The following ZNF451 variants were observed in gnomAD, a reference collection of about 807,000 sequenced individuals.
The protein encoded by ZNF451 is E3 SUMO-protein ligase ZNF451.
In ZNF451, 80 loss-of-function variants were observed where a neutral mutation model predicts 107.1. The observed-to-expected ratio is 0.75, with a 90% CI of 0.62 to 0.90. ZNF451 has a LOEUF of 0.90. ZNF451 is among the 40% of genes least tolerant of loss of function. The probability of loss-of-function intolerance (pLI) is 0.00; values close to 1 mark genes in which losing one functional copy is unlikely to be tolerated. For missense variants in ZNF451, 1,107 were observed against 1,236.2 expected, an observed-to-expected ratio of 0.90 and a Z score of 1.57; for synonymous variants, 362 against 406.5, an observed-to-expected ratio of 0.89 and a Z score of 1.32.
At position 57,103,223 on chromosome 6, in the gene ZNF451, T is replaced by C. The variant is rs1418271367; in HGVS notation, c.186+4082T>C. The C allele has an allele frequency of 5.1e-6, 5 of 985,320 alleles. No homozygotes were observed. In the East Asian group the frequency reaches 3.4e-4, roughly 67 times the overall value. 61.0% of individuals were successfully genotyped at this position (985,320 alleles called of 1,614,324 possible). On this transcript the variant is annotated intron_variant, in intron 3 of 14. Transcript: ENST00000370706. Reference sequence around the variant, plus strand: ...AGGGATACCATCAGTCTAGATTTTATTGAGAATCCTTAAGATTTAAAGCAT... The same window carrying C: ...AGGGATACCATCAGTCTAGATTTTACTGAGAATCCTTAAGATTTAAAGCAT...
intron 10 of ZNF451, among the ~76,000 whole-genome samples, 187 bp downstream of exon 10, chr6:57,148,880 A>G (rs2127980087): frequency 6.6e-6 from 1 of 152,290 alleles, no homozygotes; most frequent in Admixed American, 6.5e-5. Flanking sequence ...ACTTACGAGG[A>G]CAGAGTATAT....
chr6:57,097,489 C>A (rs1829384127), intron 2 of ZNF451, among the ~76,000 whole-genome samples: 1 of 152,196 alleles, frequency 6.6e-6, no homozygotes, highest in Non-Finnish European at 1.5e-5. Context: ...AAGAATATGG[C>A]CTTTTCTACT....
chr6:57,153,899 T>C lies in ZNF451; in HGVS notation c.2922T>C (p.Pro974=). The change falls in exon 13 of 15, where the codon CCT becomes CCC. Residue 974 remains proline, a synonymous_variant. Transcript: ENST00000370706. ...ATGAACAACTACCCAAGCAAATTCC[T>C]TTCACCATCCTCTCAGGAGATCAAG... The part of the protein sequence containing the change: ...RLDEQLPKQI[P]FTILSGDQGF... The C allele has an allele frequency of 6.2e-7, 1 of 1,614,180 alleles. No homozygotes were observed. Among genetic ancestry groups the C allele is most frequent in the East Asian group, 2.2e-5 (1 of 44,884 alleles).
chr6:57,110,200 T>C (rs1830046864), intron 3 of ZNF451, among the ~76,000 whole-genome samples: 1 of 152,146 alleles, frequency 6.6e-6, no homozygotes, highest in Admixed American at 6.5e-5. Context: ...CAATGGGGTG[T>C]GTCTGGTTTC....
In ZNF451 at chr6:57,148,598, C is replaced by T. The variant is rs1315145972; in HGVS notation, c.2513C>T (p.Ser838Leu). The change falls in exon 10 of 15, where the codon TCA (serine) becomes TTA (leucine). Residue 838 changes from serine (S) to leucine (L), a missense_variant. Ser to Leu is a moderately radical substitution (Grantham distance 145). Around this residue, in one of 5 missense-constraint regions of ZNF451, gnomAD observed 608 missense variants for 649.2 expected, o/e 0.94. Transcript: ENST00000370706. ...CTGTACAAGTTTACTGCTAGTGCCT[C>T]ACATACAGAGAGAAAACTGAAACAG... ...SNLYKFTASA[S>L]HTERKLKQAI... 1.9e-6 allele frequency: 3 copies of T among 1,613,960 alleles called. No individual in the cohort carries two copies. Among genetic ancestry groups the T allele is most frequent in the East Asian group, 2.2e-5 (1 of 44,880 alleles).
At chr6:57,111,539 C>G (rs976290670) in intron 3 of ZNF451, among the ~76,000 whole-genome samples, 1 of 152,054 alleles carries the variant, frequency 6.6e-6, no homozygotes, top group Non-Finnish European at 1.5e-5. Context: ...TGCCACCATG[C>G]TCAACTAATT....
At position 57,148,494 on chromosome 6, in the gene ZNF451, T is replaced by G; in HGVS notation, c.2409T>G (p.Ser803Arg). 1 of 1,614,126 alleles carries G rather than the reference T, an allele frequency of 6.2e-7. No individual in the cohort carries two copies. The highest frequency in any genetic ancestry group is 1.1e-5 in the South Asian group (1 of 91,076). Residue 803 changes from serine (S) to arginine (R), a missense_variant, in exon 10 of 15, where the codon AGT becomes AGG. Around this residue, in one of 5 missense-constraint regions of ZNF451, gnomAD observed 608 missense variants for 649.2 expected, o/e 0.94. Transcript: ENST00000370706. ...CCAAAGCATTTCATGATCCTGAGAGTGCACAGCAGCATTTCCATAGAAAAC... is the reference window on the plus strand; with the variant it reads ...CCAAAGCATTTCATGATCCTGAGAGGGCACAGCAGCATTTCCATAGAAAAC... Reference protein sequence around the residue: ...TCTKAFHDPESAQQHFHRKHC... With the variant: ...TCTKAFHDPERAQQHFHRKHC...
intron 3 of ZNF451, chr6:57,104,644 T>C: frequency 1.0e-6 from 1 of 985,194 alleles, no homozygotes; most frequent in Non-Finnish European, 1.2e-6. Flanking sequence ...CTGAGCACCT[T>C]AACCATTTTT....
In ZNF451 at chr6:57,153,923, A is replaced by G; in HGVS notation, c.2946A>G (p.Gln982=). ...QIPFTILSGD[Q]GFLELENQFK... ...CTTTCACCATCCTCTCAGGAGATCA[A>G]GGTTTTCTGGAGCTAGAGAATCAAT... Residue 982 remains glutamine (Q), a synonymous_variant, in exon 13 of 15, where the codon CAA becomes CAG. Transcript: ENST00000370706. The G allele has an allele frequency of 1.9e-6, 3 of 1,614,194 alleles. No homozygotes were observed. Among genetic ancestry groups the G allele is most frequent in the Non-Finnish European group, 2.5e-6 (3 of 1,180,034 alleles).
intron 3 of ZNF451, chr6:57,102,124 T>C (rs1019662910): frequency 1.2e-5 from 18 of 1,464,706 alleles, no homozygotes; most frequent in Non-Finnish European, 1.6e-5. Flanking sequence ...AGCAGAGTAG[T>C]CATTCAAGAT....
chr6:57,125,320 G>A (rs990033432), intron 4 of ZNF451, among the ~76,000 whole-genome samples: 5 of 152,160 alleles, frequency 3.3e-5, no homozygotes, highest in Non-Finnish European at 7.4e-5. Context: ...TTGTAGATGA[G>A]CTGCTGTGTG....
chr6:57,159,368 T>G, intron 13 of ZNF451: 1 of 985,428 alleles, frequency 1.0e-6, no homozygotes, highest in Non-Finnish European at 1.2e-6. Context: ...GATCTTGACT[T>G]TAAATTGTAA....
At chr6:57,135,524 T>C (rs1831386487) in intron 7 of ZNF451, among the ~76,000 whole-genome samples, 1 of 152,162 alleles carries the variant, frequency 6.6e-6, no homozygotes, top group Non-Finnish European at 1.5e-5. Flanking sequence ...ATTAAGATTT[T>C]GATATATGTG....
At chr6:57,100,646 C>G (rs1231594477) in intron 3 of ZNF451, 2 of 1,544,144 alleles carry the variant, frequency 1.3e-6, no homozygotes, top group African/African-American at 2.7e-5. Flanking sequence ...AATCATCGCC[C>G]AGAAATGTGC....
intron 13 of ZNF451, among the ~76,000 whole-genome samples, chr6:57,155,185 C>CA (rs554776576): frequency 1.0e-3 from 150 of 150,382 alleles, no homozygotes; most frequent in Admixed American, 1.5e-3. Flanking sequence ...AAACAAAAAA[C>CA]AAAAAAACAA....
Position 57,161,166 on chromosome 6 carries a change from G to A in ZNF451, c.3139+14G>A. ...TATCCACAGAAGGTAACCTAATAGA[G>A]TTAATCTCTTTTCTACTTGACTGTA... On this transcript the variant is annotated intron_variant, in intron 14 of 14. Coordinates refer to ENST00000370706, the MANE Select transcript of ZNF451 (RefSeq NM_001031623.3). 1 of 1,421,286 alleles carries A rather than the reference G, an allele frequency of 7.0e-7. No individual in the cohort carries two copies. The highest frequency in any genetic ancestry group is 9.4e-7 in the Non-Finnish European group (1 of 1,067,112). 88.0% of individuals were successfully genotyped at this position (1,421,286 alleles called of 1,614,324 possible).
rs755564602 is a variant in ZNF451, at chr6:57,148,170, A to G, written c.2085A>G (p.Val695=). 6.2e-7 allele frequency: 1 copy of G among 1,614,094 alleles called. No homozygotes were observed. Among genetic ancestry groups the G allele is most frequent in the Non-Finnish European group, 8.5e-7 (1 of 1,179,976 alleles). ...HYEEHHSIDY[V]FVSEKTETSI... is the part of the protein sequence containing the mutation. ...AGGAGCACCACAGCATAGATTATGT[A>G]TTTGTGTCAGAAAAAACTGAAACTT... is the stretch of plus-strand genomic sequence containing the variant. Residue 695 remains valine, a synonymous_variant, in exon 10 of 15, where the codon GTA becomes GTG. Coordinates refer to ENST00000370706, the MANE Select transcript of ZNF451 (RefSeq NM_001031623.3).
intron 10 of ZNF451, 157 bp from the exon 11 acceptor site, chr6:57,150,562 G>A: frequency 1.6e-6 from 1 of 641,288 alleles, no homozygotes; most frequent in Non-Finnish European, 2.5e-6. Context: ...ATGGTGTCAT[G>A]TACAGATTTG....
chr6:57,144,046 G>C (rs749295456), intron 9 of ZNF451, among the ~76,000 whole-genome samples: 13 of 152,060 alleles, frequency 8.5e-5, no homozygotes, highest in Non-Finnish European at 1.8e-4. Flanking sequence ...GTGGTTGCTT[G>C]GAGTTGGGGA....
Sources: gnomAD v4.1 joint callset for allele counts (sites outside exome capture counted in the v4.1 genomes callset) on GRCh38, gnomAD v4.1.1 for gene constraint, gnomAD v4.1.1 regional missense constraint, MANE v1.5 for transcripts, NCBI Gene and HGNC (gene_info 2026-07-23, HGNC 2026-07-21) for gene names.